The following XKR4 variants were observed in gnomAD, a reference collection of about 807,000 sequenced individuals.
XKR4 encodes XK related 4.
XKR4 carries 12 observed loss-of-function variants against 53.9 expected under a neutral mutation model. The observed-to-expected ratio is 0.22, with a 90% CI of 0.14 to 0.36. The LOEUF (loss-of-function observed/expected upper bound fraction) is 0.36, where lower values mean the gene tolerates loss of function less well. Ranked by LOEUF, XKR4 falls within the 10% of genes least tolerant of loss-of-function variation. XKR4 has a pLI of 1.00. For missense variants in XKR4, 799 were observed against 859.5 expected (o/e 0.93, Z 0.88); for synonymous variants, 354 against 362.4 (o/e 0.98, Z 0.26).
At chr8:55,112,478 A>T (rs1327737781) in intron 1 of XKR4, among the ~76,000 whole-genome samples, 1 of 151,574 alleles carries the variant, frequency 6.6e-6, no homozygotes, top group Non-Finnish European at 1.5e-5. Context: ...TCCATGTGAA[A>T]GCAGTCTGAC....
At chr8:55,229,439 C>G (rs1818001021) in intron 1 of XKR4, among the ~76,000 whole-genome samples, 1 of 152,214 alleles carries the variant, frequency 6.6e-6, no homozygotes, top group Admixed American at 6.5e-5. Context: ...TTCGTGGTAT[C>G]TAGAGCAGCA....
intron 1 of XKR4, among the ~76,000 whole-genome samples, chr8:55,107,227 A>G (rs577702768): frequency 1.3e-5 from 2 of 152,282 alleles, no homozygotes; most frequent in South Asian, 2.1e-4. Context: ...ATGTGAGACA[A>G]CTGTCTCAGA....
chr8:55,172,629 G>A (rs549373578), intron 1 of XKR4, among the ~76,000 whole-genome samples: 1 of 152,250 alleles, frequency 6.6e-6, no homozygotes, highest in South Asian at 2.1e-4. Flanking sequence ...TAGCCAAATT[G>A]AAAACAGCAC....
At chr8:55,439,992 A>T (rs921440003) in intron 2 of XKR4, among the ~76,000 whole-genome samples, 5 of 152,338 alleles carry the variant, frequency 3.3e-5, no homozygotes, top group African/African-American at 1.2e-4. Context: ...GCAGAGAAGG[A>T]TGAAGCCAGA....
At chr8:55,142,518 T>C (rs1816720813) in intron 1 of XKR4, among the ~76,000 whole-genome samples, 1 of 152,248 alleles carries the variant, frequency 6.6e-6, no homozygotes, top group Non-Finnish European at 1.5e-5. Flanking sequence ...TATTTTAAAA[T>C]ATAAATGCTT....
At chr8:55,264,921 C>A (rs898210597) in intron 1 of XKR4, among the ~76,000 whole-genome samples, 2 of 152,182 alleles carry the variant, frequency 1.3e-5, no homozygotes, top group African/African-American at 2.4e-5. Flanking sequence ...CTCAGTCTTT[C>A]CAAATTCCAA....
chr8:55,114,234 G>A (rs7828425), intron 1 of XKR4, among the ~76,000 whole-genome samples: 7,717 of 152,140 alleles, frequency 0.051, 486 homozygotes, highest in African/African-American at 0.15. Context: ...CCTCACAGGC[G>A]TCTGTTATTT....
chr8:55,199,582 C>T (rs761402536), intron 1 of XKR4, among the ~76,000 whole-genome samples: 10 of 152,292 alleles, frequency 6.6e-5, no homozygotes, highest in South Asian at 4.1e-4. Context: ...TAACCACCTG[C>T]GCAGAGTTTC....
At chr8:55,337,786 T>G (rs1803483620) in intron 1 of XKR4, among the ~76,000 whole-genome samples, 1 of 152,208 alleles carries the variant, frequency 6.6e-6, no homozygotes, top group South Asian at 2.1e-4. Context: ...GGAATACCCT[T>G]TGCTAGCTTG....
intron 2 of XKR4, among the ~76,000 whole-genome samples, chr8:55,479,201 C>T (rs186207628): frequency 2.6e-4 from 39 of 152,212 alleles, no homozygotes; most frequent in South Asian, 1.2e-3. Flanking sequence ...CAAACTGTCT[C>T]TCAGACCACA....
At chr8:55,450,130 T>C in intron 2 of XKR4, 1 of 693,450 alleles carries the variant, frequency 1.4e-6, no homozygotes, top group Non-Finnish European at 2.7e-6. Flanking sequence ...TCGGCTCAGC[T>C]CTGTCTCCAA....
At chr8:55,251,347 C>T (rs1296859578) in intron 1 of XKR4, among the ~76,000 whole-genome samples, 1 of 152,210 alleles carries the variant, frequency 6.6e-6, no homozygotes, top group Admixed American at 6.5e-5. Context: ...TTAACGGAGT[C>T]AGAGACAGCT....
chr8:55,108,918 G>C (rs755449126), intron 1 of XKR4, among the ~76,000 whole-genome samples: 2 of 152,122 alleles, frequency 1.3e-5, no homozygotes, highest in Non-Finnish European at 2.9e-5. Context: ...ACTCAATACT[G>C]ATATGGGAGG....
intron 2 of XKR4, among the ~76,000 whole-genome samples, chr8:55,362,936 A>G (rs1271517376): frequency 6.6e-6 from 1 of 152,228 alleles, no homozygotes; most frequent in East Asian, 1.9e-4. Context: ...ATGAGGGTGT[A>G]TAAACCACAG....
intron 1 of XKR4, among the ~76,000 whole-genome samples, chr8:55,325,831 T>TG (rs1340833234): frequency 6.6e-6 from 1 of 152,148 alleles, no homozygotes; most frequent in Non-Finnish European, 1.5e-5. Context: ...ATGGATTCTA[T>TG]GGGGAAATTT....
At chr8:55,482,330 G>C (rs1180520919) in intron 2 of XKR4, among the ~76,000 whole-genome samples, 1 of 152,068 alleles carries the variant, frequency 6.6e-6, no homozygotes, top group Non-Finnish European at 1.5e-5. Context: ...CTCACTCATA[G>C]GTGGGAATTA....
In XKR4 at chr8:55,474,441, A is replaced by T. The variant is rs138028962; in HGVS notation, c.1007-48840A>T. ...ATTTGTATACACACTGTGCACACAC[A>T]TATACACACAAAGTCTACCATCTTA... On this transcript the variant is annotated intron_variant, in intron 2 of 2. Coordinates refer to ENST00000327381, the MANE Select transcript of XKR4 (RefSeq NM_052898.2). Among the ~76,000 whole-genome samples the T allele has an allele frequency of 1.7e-3, 265 of 152,304 alleles. 4 individuals carry two copies. The highest frequency in any genetic ancestry group is 6.1e-3 in the African/African-American group (255 of 41,522).
chr8:55,104,815 C>T (rs913133456), intron 1 of XKR4, among the ~76,000 whole-genome samples: 3 of 152,032 alleles, frequency 2.0e-5, no homozygotes, highest in Non-Finnish European at 4.4e-5. Flanking sequence ...GCTATATTTC[C>T]CATGGATGAC....
At chr8:55,335,115 A>C (rs1183288696) in intron 1 of XKR4, among the ~76,000 whole-genome samples, 1 of 152,228 alleles carries the variant, frequency 6.6e-6, no homozygotes, top group Non-Finnish European at 1.5e-5. Flanking sequence ...GTCTAAACTC[A>C]GATGGCTGCT....
Sources: allele counts gnomAD v4.1 joint callset (sites outside exome capture counted in the v4.1 genomes callset), GRCh38; gene constraint gnomAD v4.1.1; transcripts MANE v1.5; gene names NCBI Gene and HGNC (gene_info 2026-07-23, HGNC 2026-07-21).